Variants in ZFHX3 observed in about 807,000 individuals in gnomAD.
The protein encoded by ZFHX3 is zinc finger homeobox protein 3.
In ZFHX3, 42 loss-of-function variants were observed where a neutral mutation model predicts 279.1. The observed-to-expected ratio is 0.15, with a 90% CI of 0.12 to 0.19. ZFHX3 has a LOEUF of 0.19. Ranked by LOEUF, ZFHX3 falls within the 10% of genes least tolerant of loss-of-function variation. ZFHX3 has a pLI of 1.00. For synonymous variants in ZFHX3, 2,293 were observed against 1,957.8 expected, an observed-to-expected ratio of 1.17 and a Z score of -4.52; for missense variants, 4,981 against 4,754.0, an observed-to-expected ratio of 1.05 and a Z score of -1.40.
chr16:73,867,899 C>T (rs1369061026), intron 1 of ZFHX3, among the ~76,000 whole-genome samples: 1 of 152,170 alleles, frequency 6.6e-6, no homozygotes, highest in Non-Finnish European at 1.5e-5. Context: ...GACTTTGCAT[C>T]TTGAACACAA....
intron 3 of ZFHX3, among the ~76,000 whole-genome samples, chr16:73,393,226 G>C (rs1050194263): frequency 6.6e-5 from 10 of 152,204 alleles, no homozygotes; most frequent in Non-Finnish European, 1.5e-4. Flanking sequence ...TGGGATTACA[G>C]ATGGGAGCCA....
chr16:73,398,319 C>T (rs1376272741), intron 3 of ZFHX3, among the ~76,000 whole-genome samples: 1 of 152,084 alleles, frequency 6.6e-6, no homozygotes, highest in Non-Finnish European at 1.5e-5. Context: ...AGGAGAAGAC[C>T]AGGGAAAAAG....
At chr16:73,298,844 T>C (rs1020708471) in intron 4 of ZFHX3, among the ~76,000 whole-genome samples, 2 of 152,258 alleles carry the variant, frequency 1.3e-5, no homozygotes, top group African/African-American at 4.8e-5. Context: ...TAGTGATGCC[T>C]GACGTAAGGT....
chr16:73,810,112 T>G (rs1960387343), intron 1 of ZFHX3, among the ~76,000 whole-genome samples: 1 of 152,176 alleles, frequency 6.6e-6, no homozygotes, highest in Admixed American at 6.5e-5. Flanking sequence ...ATATTCAGTA[T>G]TTATTTTCCA....
intron 1 of ZFHX3, among the ~76,000 whole-genome samples, chr16:73,854,024 G>C (rs1961656069): frequency 6.6e-6 from 1 of 152,132 alleles, no homozygotes; most frequent in African/African-American, 2.4e-5. Flanking sequence ...GGGCCTTTCA[G>C]CTAAGCACAA....
chr16:73,718,831 G>C (rs1179529069), intron 1 of ZFHX3, among the ~76,000 whole-genome samples: 1 of 151,942 alleles, frequency 6.6e-6, no homozygotes, highest in Non-Finnish European at 1.5e-5. Flanking sequence ...GGCCAGGCTG[G>C]TCTCAAACTC....
intron 3 of ZFHX3, among the ~76,000 whole-genome samples, chr16:73,413,649 T>C (rs1008041394): frequency 6.6e-6 from 1 of 152,228 alleles, no homozygotes; most frequent in Non-Finnish European, 1.5e-5. Flanking sequence ...ATCTTGGTGC[T>C]GATGATGTCA....
At chr16:73,289,209 G>A (rs1380904765) in intron 4 of ZFHX3, among the ~76,000 whole-genome samples, 2 of 151,754 alleles carry the variant, frequency 1.3e-5, no homozygotes, top group Non-Finnish European at 2.9e-5. Flanking sequence ...GGAGGAAAAT[G>A]CCGCTGTCTG....
At chr16:73,502,754 C>T (rs2019261473) in intron 2 of ZFHX3, among the ~76,000 whole-genome samples, 1 of 152,196 alleles carries the variant, frequency 6.6e-6, no homozygotes. Context: ...ATGCAATGAA[C>T]ACAGGCTGCA....
At chr16:73,623,500 G>T (rs75342591) in intron 2 of ZFHX3, among the ~76,000 whole-genome samples, 1 of 152,080 alleles carries the variant, frequency 6.6e-6, no homozygotes, top group Non-Finnish European at 1.5e-5. Flanking sequence ...TATAAAACAG[G>T]CAAGTATTGA....
At chr16:73,879,183 C>G (rs1392696114) in intron 1 of ZFHX3, among the ~76,000 whole-genome samples, 1 of 150,406 alleles carries the variant, frequency 6.6e-6, no homozygotes, top group East Asian at 2.0e-4. Flanking sequence ...TTTTCGCAAG[C>G]AGTTTGTGTT....
At chr16:73,511,643 G>A (rs966716936) in intron 2 of ZFHX3, among the ~76,000 whole-genome samples, 1 of 152,140 alleles carries the variant, frequency 6.6e-6, no homozygotes, top group African/African-American at 2.4e-5. Context: ...AAAACCAGGG[G>A]CTCTCTAGGG....
At chr16:72,882,977 GGTGTGTGTGTGTGTGTGT>G (rs56328056) in intron 4 of ZFHX3, among the ~76,000 whole-genome samples, 819 of 65,430 alleles carry the variant, frequency 0.013, 7 homozygotes, top group South Asian at 0.018. Context: ...ACCACTCTGG[GGTGTGTGTGTGTGTGTGT>G]GTGTGTGTGT....
At chr16:73,344,570 G>C (rs2016091052) in intron 3 of ZFHX3, among the ~76,000 whole-genome samples, 1 of 152,194 alleles carries the variant, frequency 6.6e-6, no homozygotes, top group African/African-American at 2.4e-5. Context: ...TAATTGTACT[G>C]TGATTAGGTA....
rs139428565 is a variant in ZFHX3 at position 73,416,788 on chromosome 16, G to A, written c.-1291+39215C>T. On this transcript the variant is annotated intron_variant, in intron 3 of 17. Transcript: ENST00000641206. ...ACCAGGGAGGCTGAAGCAGGAGAAT[G>A]GCGTGAACTCGGGAGGCGGAGCCTG... Among the ~76,000 whole-genome samples the A allele has an allele frequency of 3.7e-4, 55 of 146,780 alleles. 3 individuals are homozygous for A. The highest frequency in any genetic ancestry group is 1.0e-3 in the Admixed American group (15 of 14,772).
intron 3 of ZFHX3, among the ~76,000 whole-genome samples, chr16:72,939,751 G>C (rs890928376): frequency 2.0e-5 from 3 of 152,132 alleles, no homozygotes; most frequent in African/African-American, 7.2e-5. Context: ...AGCCGGGTAT[G>C]GTGGCAGGCG....
At chr16:73,247,036 C>T (rs1221074817) in intron 5 of ZFHX3, among the ~76,000 whole-genome samples, 1 of 152,044 alleles carries the variant, frequency 6.6e-6, no homozygotes, top group East Asian at 1.9e-4. Flanking sequence ...ATATAATGTG[C>T]ATATGTGTCT....
intron 3 of ZFHX3, among the ~76,000 whole-genome samples, chr16:73,381,806 T>C (rs1417661711): frequency 1.3e-5 from 2 of 152,186 alleles, no homozygotes. Flanking sequence ...TATGCATAAA[T>C]CTCAAAATGG....
intron 2 of ZFHX3, among the ~76,000 whole-genome samples, chr16:73,605,346 C>T (rs943001009): frequency 9.9e-5 from 15 of 152,142 alleles, no homozygotes; most frequent in African/African-American, 2.4e-4. Context: ...GATAAAAGTG[C>T]GCAAGAGAAA....
Sources: allele counts gnomAD v4.1 joint callset (sites outside exome capture counted in the v4.1 genomes callset), GRCh38; gene constraint gnomAD v4.1.1; transcripts MANE v1.5; gene names NCBI Gene and HGNC (gene_info 2026-07-23, HGNC 2026-07-21).